Variants in ANO6 observed in about 807,000 individuals in gnomAD.
ANO6 encodes the protein anoctamin-6.
A neutral mutation model predicts 117.5 loss-of-function variants in ANO6; 106 were observed. The ratio of observed to expected loss-of-function variants is 0.90; its 90% CI spans 0.77 to 1.06. The LOEUF is 1.06. Among genes scored for constraint, ANO6 ranks in the 50% least tolerant of loss-of-function variants. ANO6 has a pLI of 0.00. For missense variants in ANO6, 955 were observed against 1,121.1 expected (o/e 0.85, Z 2.12); for synonymous variants, 367 against 385.1 (o/e 0.95, Z 0.55).
At position 45,429,118 on chromosome 12, in the gene ANO6, C is replaced by T; in HGVS notation, c.2540C>T (p.Ser847Phe). 1.2e-6 allele frequency: 2 copies of T among 1,613,604 alleles called. No individual in the cohort carries two copies. The highest frequency in any genetic ancestry group is 2.2e-5 in the South Asian group (2 of 91,058). Residue 847 changes from serine (S) to phenylalanine (F), a missense_variant, in exon 20 of 20, where the codon TCT becomes TTT. Ser to Phe is a radical substitution (Grantham distance 155). Transcript: ENST00000320560. ...TCTCTTCCCCAGCACGTCATCTACT[C>T]TGTGAAATTTTTCATTTCATATGCA... Reference protein sequence around the residue: ...FIIVMEHVIYSVKFFISYAIP... With the variant: ...FIIVMEHVIYFVKFFISYAIP...
intron 2 of ANO6, among the ~76,000 whole-genome samples, chr12:45,302,720 C>G (rs574899486): frequency 1.7e-4 from 26 of 152,198 alleles, no homozygotes; most frequent in Non-Finnish European, 3.1e-4. Flanking sequence ...ACATAGGATG[C>G]CTTGTGCAAA....
At chr12:45,242,825 C>T (rs1180965133) in intron 1 of ANO6, among the ~76,000 whole-genome samples, 1 of 152,074 alleles carries the variant, frequency 6.6e-6, no homozygotes, top group Non-Finnish European at 1.5e-5. Context: ...GATAGAAAAG[C>T]TTACAATTTT....
intron 2 of ANO6, among the ~76,000 whole-genome samples, chr12:45,319,907 A>AGT: frequency 6.6e-6 from 1 of 152,262 alleles, no homozygotes; most frequent in East Asian, 1.9e-4. Context: ...ATTGGCGTAG[A>AGT]AGTGTTTGTA....
At chr12:45,231,317 G>A (rs1001569685) in intron 1 of ANO6, among the ~76,000 whole-genome samples, 12 of 152,124 alleles carry the variant, frequency 7.9e-5, no homozygotes. Flanking sequence ...TATCTAATTT[G>A]CAAAATAGGT....
intron 2 of ANO6, among the ~76,000 whole-genome samples, chr12:45,330,480 A>G (rs1342157297): frequency 6.6e-6 from 1 of 152,142 alleles, no homozygotes; most frequent in Non-Finnish European, 1.5e-5. Flanking sequence ...CAAAATTAAC[A>G]TGAGCATTCT....
chr12:45,286,229 G>T (rs1186448185), intron 1 of ANO6, among the ~76,000 whole-genome samples: 1 of 152,096 alleles, frequency 6.6e-6, no homozygotes, highest in Non-Finnish European at 1.5e-5. Flanking sequence ...TGCACTCCTG[G>T]GCTCAAGCAA....
chr12:45,254,392 A>C (rs779882394), intron 1 of ANO6, among the ~76,000 whole-genome samples: 1 of 152,150 alleles, frequency 6.6e-6, no homozygotes, highest in Non-Finnish European at 1.5e-5. Flanking sequence ...TTGCCTGGGG[A>C]GGCAGTATCT....
chr12:45,303,269 T>C (rs534202366), intron 2 of ANO6, among the ~76,000 whole-genome samples: 1 of 152,356 alleles, frequency 6.6e-6, no homozygotes, highest in East Asian at 1.9e-4. Flanking sequence ...TAAAGGGAAA[T>C]TGTGCATGCC....
At chr12:45,356,787 A>G (rs1370596409) in intron 7 of ANO6, among the ~76,000 whole-genome samples, 1 of 152,166 alleles carries the variant, frequency 6.6e-6, no homozygotes, top group Non-Finnish European at 1.5e-5. Flanking sequence ...ATTGAAAAAA[A>G]ATCCACATTT....
rs79277039 is a variant in ANO6 at position 45,386,374 on chromosome 12, C to G, written c.1166-1787C>G. Among the ~76,000 whole-genome samples, 60 of 152,346 alleles carry G rather than the reference C, an allele frequency of 3.9e-4. No homozygotes were observed. In the East Asian group the frequency reaches 0.011, roughly 28 times the overall value. On this transcript the variant is annotated intron_variant, in intron 10 of 19. Coordinates refer to ENST00000320560, the MANE Select transcript of ANO6 (RefSeq NM_001025356.3). ...CCACATACATTGCATCTGATCATAA[C>G]CAAACCAGGTGTCTCCTCTTGCACA...
At chr12:45,393,223 G>T (rs762792934) in intron 12 of ANO6, among the ~76,000 whole-genome samples, 2 of 152,132 alleles carry the variant, frequency 1.3e-5, no homozygotes, top group African/African-American at 4.8e-5. Context: ...TAGCCAATTC[G>T]ATCAAGTGGA....
At chr12:45,352,558 C>CT (rs1305757461) in intron 7 of ANO6, among the ~76,000 whole-genome samples, 14 of 78,634 alleles carry the variant, frequency 1.8e-4, no homozygotes, top group African/African-American at 7.9e-4. Context: ...GAGATCCAGT[C>CT]TTAAAAAAAA....
chr12:45,358,506 G>A (rs768087559), intron 8 of ANO6, among the ~76,000 whole-genome samples: 1 of 151,768 alleles, frequency 6.6e-6, no homozygotes, highest in Non-Finnish European at 1.5e-5. Context: ...ACATTTCAAA[G>A]TGCAGAAGTT....
intron 1 of ANO6, among the ~76,000 whole-genome samples, chr12:45,258,121 G>C (rs969121867): frequency 6.6e-6 from 1 of 152,166 alleles, no homozygotes; most frequent in Non-Finnish European, 1.5e-5. Flanking sequence ...TTAATCAGTC[G>C]TGTGGTGTTG....
chr12:45,357,933 A>G (rs1347977525), intron 8 of ANO6, among the ~76,000 whole-genome samples: 2 of 152,262 alleles, frequency 1.3e-5, no homozygotes, highest in South Asian at 2.1e-4. Flanking sequence ...TAGTTCATAC[A>G]ATGTTTAAAA....
At chr12:45,437,374 C>T (rs1392257960) in intron 19 of ANO6, among the ~76,000 whole-genome samples, 6 of 152,194 alleles carry the variant, frequency 3.9e-5, no homozygotes, top group Non-Finnish European at 8.8e-5. Flanking sequence ...CAATGCCACT[C>T]TTCTCACTAG....
At chr12:45,433,723 A>G (rs1202394117), downstream of ANO6, among the ~76,000 whole-genome samples, 2 of 152,146 alleles carry the variant, frequency 1.3e-5, no homozygotes, top group African/African-American at 4.8e-5. Context: ...AAGGAGTTTG[A>G]TAGCAGTTCT....
Position 45,421,118 on chromosome 12 carries a change from C to CTACT in ANO6, c.2266_2269dup (p.Trp757LeufsTer44). The CTACT allele has an allele frequency of 6.2e-7, 1 of 1,614,232 alleles. No individual in the cohort carries two copies. The highest frequency in any genetic ancestry group is 8.5e-7 in the Non-Finnish European group (1 of 1,180,036). On this transcript the variant is annotated frameshift_variant, in exon 18 of 20. Coordinates refer to ENST00000320560, the MANE Select transcript of ANO6 (RefSeq NM_001025356.3). LOFTEE classifies it high-confidence loss of function. ...CGGACATGATCCCCCGCCTAGTGTACTACTGGTCCTTCTCCGTCCCTCCCT... is the reference window on the plus strand; with the variant it reads ...CGGACATGATCCCCCGCCTAGTGTACTACTTACTGGTCCTTCTCCGTCCCTCCCT...
intron 10 of ANO6, 95 bp downstream of exon 10, chr12:45,378,208 T>A: frequency 8.1e-7 from 1 of 1,230,852 alleles, no homozygotes; most frequent in South Asian, 1.3e-5. Flanking sequence ...GATCTTGTAT[T>A]GCCCAGGCTT....
Sources: gnomAD v4.1 joint callset for allele counts (sites outside exome capture counted in the v4.1 genomes callset) on GRCh38, gnomAD v4.1.1 for gene constraint, MANE v1.5 for transcripts, NCBI Gene and HGNC (gene_info 2026-07-23, HGNC 2026-07-21) for gene names.